ZNF223: variants seen among roughly 807,000 people sequenced by gnomAD.
ZNF223 encodes zinc finger protein 223.
In ZNF223, 9 loss-of-function variants were observed where a neutral mutation model predicts 12.3. That is an observed-to-expected ratio of 0.73 (90% confidence interval 0.44 to 1.28). The LOEUF is 1.28. Among genes scored for constraint, ZNF223 ranks in the 50% most tolerant of loss-of-function variants. The pLI, the probability that ZNF223 is intolerant of heterozygous loss-of-function variation, is 0.00. For synonymous variants in ZNF223, 171 were observed against 195.2 expected, an observed-to-expected ratio of 0.88 and a Z score of 1.03; for missense variants, 506 against 579.0, an observed-to-expected ratio of 0.87 and a Z score of 1.29.
chr19:44,062,035 T>C (rs1398386823), intron 4 of ZNF223, among the ~76,000 whole-genome samples: 2 of 152,242 alleles, frequency 1.3e-5, no homozygotes, highest in Admixed American at 1.3e-4. Flanking sequence ...TATGACTGCA[T>C]CTTCAGTGCC....
rs763388188 is a variant in ZNF223, at chr19:44,066,777, A to T, written c.949A>T (p.Ser317Cys). The change falls in exon 5 of 5, where the codon AGC becomes TGC. Residue 317 changes from serine to cysteine, a missense_variant. Physicochemically the swap from Ser to Cys is moderately radical, Grantham distance 112. Transcript: ENST00000434772. ...GGTCCACACAGGAAAGAAACCAAAC[A>T]GCACTGGGGAATATGGAAAAGGCTT... ...CVVHTGKKPN[S>C]TGEYGKGFIR... The T allele has an allele frequency of 3.1e-6, 5 of 1,614,096 alleles. No individual in the cohort carries two copies. The highest frequency in any genetic ancestry group is 4.2e-6 in the Non-Finnish European group (5 of 1,180,042).
chr19:44,054,997 T>C (rs1976746257), intron 1 of ZNF223, 112 bp from the exon 2 acceptor site: 3 of 522,502 alleles, frequency 5.7e-6, no homozygotes, highest in Admixed American at 6.1e-5. Flanking sequence ...TTAGTATGAA[T>C]AATGCTGCTG....
chr19:44,060,890 T>G, intron 4 of ZNF223, 49 bp downstream of exon 4: 1 of 1,543,082 alleles, frequency 6.5e-7, no homozygotes. Flanking sequence ...CCATCTGTTT[T>G]ACTTCTGTGC....
At chr19:44,065,764 G>C (rs1489512238) in intron 4 of ZNF223, among the ~76,000 whole-genome samples, 1 of 151,778 alleles carries the variant, frequency 6.6e-6, no homozygotes, top group Non-Finnish European at 1.5e-5. Context: ...TTTTAATAGA[G>C]ACGGGGTTTC....
At chr19:44,064,714 C>T (rs371306348) in intron 4 of ZNF223, among the ~76,000 whole-genome samples, 1 of 152,188 alleles carries the variant, frequency 6.6e-6, no homozygotes, top group East Asian at 1.9e-4. Context: ...TTTATTCTCA[C>T]AGTTACTGAT....
Position 44,066,086 on chromosome 19 carries a change from G to T in ZNF223, c.258G>T (p.Met86Ile). 6.2e-7 allele frequency: 1 copy of T among 1,600,306 alleles called. No homozygotes were observed. The highest frequency in any genetic ancestry group is 1.1e-5 in the South Asian group (1 of 88,808). Reference protein sequence around the residue: ...GNSGGKIQPEMKTFPEAGPHE... With the variant: ...GNSGGKIQPEIKTFPEAGPHE... ...TAGGAGGCAAGATCCAACCTGAGAT[G>T]AAGACTTTTCCAGAAGCAGGACCAC... The change falls in exon 5 of 5, where the codon ATG (methionine) becomes ATT (isoleucine). Residue 86 changes from methionine to isoleucine, a missense_variant. Met to Ile is a conservative substitution (Grantham distance 10). Coordinates refer to ENST00000434772, the MANE Select transcript of ZNF223 (RefSeq NM_013361.6).
At position 44,055,141 on chromosome 19, in the gene ZNF223, T is replaced by C. The variant is rs1463586150; in HGVS notation, c.-36T>C. 1 of 1,612,282 alleles carries C rather than the reference T, an allele frequency of 6.2e-7. No homozygotes were observed. Among genetic ancestry groups the C allele is most frequent in the Non-Finnish European group, 8.5e-7 (1 of 1,178,742 alleles). On this transcript the variant is annotated 5_prime_UTR_variant, in exon 2 of 5. Coordinates refer to ENST00000434772, the MANE Select transcript of ZNF223 (RefSeq NM_013361.6). ...TCTGCTTTCCCTGGAACTGTGTCAT[T>C]CAGGACTCTGCAAATTCCCTAAAGT...
intron 4 of ZNF223, 194 bp downstream of exon 4, chr19:44,061,035 C>G: frequency 1.8e-6 from 1 of 549,416 alleles, no homozygotes; most frequent in Non-Finnish European, 3.3e-6. Flanking sequence ...TAAAGTGATC[C>G]TTAGGACATG....
intron 1 of ZNF223, among the ~76,000 whole-genome samples, chr19:44,052,423 T>TAAAGCACCCAAAGCACC (rs1976713083): frequency 6.6e-6 from 1 of 152,174 alleles, no homozygotes; most frequent in African/African-American, 2.4e-5. Flanking sequence ...CCATTGCTGT[T>TAAAGCACCCAAAGCACC]CTTTAAAATG....
chr19:44,051,903 C>T (rs1018888824), upstream of ZNF223: 2 of 152,204 alleles, frequency 1.3e-5, no homozygotes, highest in Non-Finnish European at 2.9e-5. Flanking sequence ...GCAGGTGAAC[C>T]GTTGAATTCT....
chr19:44,058,267 CCT>C (rs1175241902), intron 2 of ZNF223, among the ~76,000 whole-genome samples: 5 of 152,214 alleles, frequency 3.3e-5, no homozygotes, highest in Admixed American at 2.6e-4. Flanking sequence ...CAGTCCATCC[CCT>C]GACCCAGATA....
At chr19:44,060,656 AGT>A (rs1976825069) in intron 3 of ZNF223, 75 bp downstream of exon 3, 2 of 1,613,266 alleles carry the variant, frequency 1.2e-6, no homozygotes, top group Admixed American at 3.3e-5. Context: ...TTCAAGTTTG[AGT>A]GTGCAGTGGG....
Position 44,057,750 on chromosome 19 carries a change from G to A in ZNF223, c.15+2559G>A, listed in dbSNP as rs1299281801. 2.0e-5 allele frequency among the ~76,000 whole-genome samples: 3 copies of A among 152,228 alleles called. No individual in the cohort carries two copies. The East Asian group carries it at 5.8e-4, about 29-fold the overall frequency. On this transcript the variant is annotated intron_variant, in intron 2 of 4. Coordinates refer to ENST00000434772, the MANE Select transcript of ZNF223 (RefSeq NM_013361.6). Reference sequence around the variant, plus strand: ...ACTAAATGCTGCAATAAGCATATGTGGTTTGTGCCTTGCGAGTACAGAAGA... The same window carrying A: ...ACTAAATGCTGCAATAAGCATATGTAGTTTGTGCCTTGCGAGTACAGAAGA...
chr19:44,060,402 C>T, intron 2 of ZNF223, 53 bp from the exon 3 acceptor site: 3 of 1,602,044 alleles, frequency 1.9e-6, no homozygotes, highest in South Asian at 1.1e-5. Flanking sequence ...TGTTCCTTCT[C>T]TCCCAGTAAC....
In ZNF223 at chr19:44,067,393, G is replaced by A; in HGVS notation, c.*116G>A. The A allele has an allele frequency of 1.6e-6, 2 of 1,215,022 alleles. No individual in the cohort carries two copies. Among genetic ancestry groups the A allele is most frequent in the Non-Finnish European group, 1.2e-6 (1 of 851,954 alleles). 75.3% of individuals were successfully genotyped at this position (1,215,022 alleles called of 1,614,324 possible). A position where few individuals can be genotyped will look rare whatever the true frequency, so the allele number is the denominator to read the frequency against. On this transcript the variant is annotated 3_prime_UTR_variant, in exon 5 of 5. Coordinates refer to ENST00000434772, the MANE Select transcript of ZNF223 (RefSeq NM_013361.6). ...ACCTCAATTATCTCTTTTTTGTGTTGAGAAAATTAAAAATTCATTGTTCCA... is the reference window on the plus strand; with the variant it reads ...ACCTCAATTATCTCTTTTTTGTGTTAAGAAAATTAAAAATTCATTGTTCCA...
rs769847342 is a variant in ZNF223, at chr19:44,060,440, T to C, written c.16-15T>C. ...TTGGTAGTGAGATTGAGGTTGCATATGTTTGATGCTGTAGGAGGCAGTGAC... is the reference window on the plus strand; with the variant it reads ...TTGGTAGTGAGATTGAGGTTGCATACGTTTGATGCTGTAGGAGGCAGTGAC... On this transcript the variant is annotated splice_polypyrimidine_tract_variant and intron_variant, in intron 2 of 4. Coordinates refer to ENST00000434772, the MANE Select transcript of ZNF223 (RefSeq NM_013361.6). 9 of 1,613,648 alleles carry C rather than the reference T, an allele frequency of 5.6e-6. No individual in the cohort carries two copies. Among genetic ancestry groups the C allele is most frequent in the Middle Eastern group, 1.7e-4 (1 of 6,056 alleles).
At position 44,066,782 on chromosome 19, in the gene ZNF223, T is replaced by C; in HGVS notation, c.954T>C (p.Thr318=). 1 of 1,614,120 alleles carries C rather than the reference T, an allele frequency of 6.2e-7. No individual in the cohort carries two copies. Among genetic ancestry groups the C allele is most frequent in the Non-Finnish European group, 8.5e-7 (1 of 1,180,026 alleles). ...VVHTGKKPNS[T]GEYGKGFIRR... ...ACACAGGAAAGAAACCAAACAGCAC[T>C]GGGGAATATGGAAAAGGCTTCATTC... The change falls in exon 5 of 5, where the codon ACT becomes ACC. Residue 318 remains threonine, a synonymous_variant. Transcript: ENST00000434772.
chr19:44,065,093 T>C (rs1976888320), intron 4 of ZNF223, among the ~76,000 whole-genome samples: 1 of 152,180 alleles, frequency 6.6e-6, no homozygotes. Context: ...CCCAAAGCTG[T>C]GGCTAGTCAC....
At position 44,067,866 on chromosome 19, in the gene ZNF223, T is replaced by G; in HGVS notation, c.*589T>G. On this transcript the variant is annotated 3_prime_UTR_variant, in exon 5 of 5. Coordinates refer to ENST00000434772, the MANE Select transcript of ZNF223 (RefSeq NM_013361.6). Reference sequence around the variant, plus strand: ...TTTGTATTTTTGCTGCATCCTTACATTGCTTGAGTCTGGAAGATTGAGGCT... The same window carrying G: ...TTTGTATTTTTGCTGCATCCTTACAGTGCTTGAGTCTGGAAGATTGAGGCT... 1 of 179,454 alleles carries G rather than the reference T, an allele frequency of 5.6e-6. No individual in the cohort carries two copies. The highest frequency in any genetic ancestry group is 1.2e-5 in the Non-Finnish European group (1 of 84,026). 11.1% of individuals were successfully genotyped at this position (179,454 alleles called of 1,614,324 possible).
Sources: gnomAD v4.1 joint callset for allele counts (sites outside exome capture counted in the v4.1 genomes callset) on GRCh38, gnomAD v4.1.1 for gene constraint, MANE v1.5 for transcripts, NCBI Gene and HGNC (gene_info 2026-07-23, HGNC 2026-07-21) for gene names.